The following PIGU variants were observed in gnomAD, a reference collection of about 807,000 sequenced individuals.
PIGU encodes the protein phosphatidylinositol glycan anchor biosynthesis class U, also known as GPI-anchor transamidase component PIGU.
Under a neutral mutation model 49.9 loss-of-function variants are expected in PIGU, and 24 were observed. The ratio of observed to expected loss-of-function variants is 0.48; its 90% CI spans 0.35 to 0.68. The LOEUF (loss-of-function observed/expected upper bound fraction) is 0.68. Among genes scored for constraint, PIGU ranks in the 30% least tolerant of loss-of-function variants. PIGU has a pLI of 0.01. For missense variants in PIGU, 490 were observed against 532.6 expected (o/e 0.92, Z 0.79); for synonymous variants, 220 against 205.7 (o/e 1.07, Z -0.59).
At chr20:34,650,647 T>G (rs1197321689) in intron 2 of PIGU, among the ~76,000 whole-genome samples, 1 of 151,572 alleles carries the variant, frequency 6.6e-6, no homozygotes, top group Admixed American at 6.6e-5. Flanking sequence ...TTATTGTCTA[T>G]TTTTTTCTGT....
chr20:34,605,008 C>T (rs1319913896), intron 7 of PIGU, among the ~76,000 whole-genome samples: 5 of 152,166 alleles, frequency 3.3e-5, no homozygotes, highest in African/African-American at 9.7e-5. Context: ...ATGAGCATCT[C>T]GGTAAGCCTC....
At chr20:34,617,941 T>G (rs1220476894) in intron 6 of PIGU, among the ~76,000 whole-genome samples, 1 of 152,200 alleles carries the variant, frequency 6.6e-6, no homozygotes, top group Non-Finnish European at 1.5e-5. Context: ...ATCAGGGGTT[T>G]CCGCTTTTGC....
intron 7 of PIGU, among the ~76,000 whole-genome samples, chr20:34,591,357 T>C (rs1010011978): frequency 1.1e-4 from 17 of 152,108 alleles, no homozygotes; most frequent in African/African-American, 3.9e-4. Flanking sequence ...AGCAGACAAA[T>C]TAGTAATCAA....
chr20:34,638,342 T>C (rs573936587), intron 4 of PIGU, among the ~76,000 whole-genome samples: 28 of 152,336 alleles, frequency 1.8e-4, no homozygotes, highest in Middle Eastern at 3.4e-3. Context: ...CTGTTATATA[T>C]GTTCTTTCAC....
chr20:34,608,664 G>A (rs1984704768), intron 7 of PIGU, among the ~76,000 whole-genome samples: 1 of 152,080 alleles, frequency 6.6e-6, no homozygotes, highest in Non-Finnish European at 1.5e-5. Flanking sequence ...GAGCAGATGT[G>A]TCAGCTCCTA....
intron 6 of PIGU, among the ~76,000 whole-genome samples, chr20:34,623,507 G>A (rs1342509110): frequency 6.6e-6 from 1 of 152,124 alleles, no homozygotes; most frequent in Non-Finnish European, 1.5e-5. Flanking sequence ...CCATTTTACA[G>A]ATAATGAAAC....
At chr20:34,585,142 G>T (rs1381140533) in intron 9 of PIGU, among the ~76,000 whole-genome samples, 1 of 152,206 alleles carries the variant, frequency 6.6e-6, no homozygotes, top group African/African-American at 2.4e-5. Flanking sequence ...GCCACCGCCT[G>T]GCTCTAGTCC....
intron 2 of PIGU, among the ~76,000 whole-genome samples, chr20:34,652,809 G>C (rs1232424969): frequency 6.6e-6 from 1 of 152,106 alleles, no homozygotes; most frequent in Non-Finnish European, 1.5e-5. Flanking sequence ...ATTGTGGTCA[G>C]AGAATATATT....
At chr20:34,657,481 G>A (rs891805612) in intron 1 of PIGU, among the ~76,000 whole-genome samples, 1 of 152,130 alleles carries the variant, frequency 6.6e-6, no homozygotes, top group Non-Finnish European at 1.5e-5. Context: ...TAAACTATCT[G>A]CTTCCTTTTA....
chr20:34,663,936 C>T (rs1987002365), intron 1 of PIGU, among the ~76,000 whole-genome samples: 1 of 152,172 alleles, frequency 6.6e-6, no homozygotes, highest in Non-Finnish European at 1.5e-5. Context: ...TGAGACACAG[C>T]TTGAGGACAG....
chr20:34,599,709 T>G (rs190635693), intron 7 of PIGU, among the ~76,000 whole-genome samples: 3 of 152,240 alleles, frequency 2.0e-5, no homozygotes. Flanking sequence ...ATTACAGACA[T>G]CATAACTCCA....
At chr20:34,668,867 CTTTTTTTTTTTTTTTTT>C (rs374136983) in intron 1 of PIGU, among the ~76,000 whole-genome samples, 1 of 44,690 alleles carries the variant, frequency 2.2e-5, no homozygotes, top group African/African-American at 8.4e-5. Context: ...AATGGTAAAA[CTTTTTTTTTTTTTTTTT>C]TTTTTTTTTT....
intron 1 of PIGU, among the ~76,000 whole-genome samples, chr20:34,661,845 T>C (rs895108858): frequency 6.6e-6 from 1 of 152,148 alleles, no homozygotes; most frequent in Admixed American, 6.6e-5. Context: ...CGTGTATAAG[T>C]GTTTCCTTTT....
intron 7 of PIGU, among the ~76,000 whole-genome samples, chr20:34,592,005 G>A (rs1984009156): frequency 6.6e-6 from 1 of 152,028 alleles, no homozygotes; most frequent in Non-Finnish European, 1.5e-5. Flanking sequence ...GGCTAACGTG[G>A]TGAAACTCTG....
chr20:34,597,365 T>C (rs755138205), intron 7 of PIGU, among the ~76,000 whole-genome samples: 10 of 152,228 alleles, frequency 6.6e-5, no homozygotes, highest in African/African-American at 9.6e-5. Flanking sequence ...GGAAGCCTTA[T>C]ACAAAATAAT....
chr20:34,608,438 T>C (rs1385588971), intron 7 of PIGU, among the ~76,000 whole-genome samples: 1 of 152,220 alleles, frequency 6.6e-6, no homozygotes, highest in Non-Finnish European at 1.5e-5. Flanking sequence ...TGCTCAGAAA[T>C]TCCCAAATTT....
intron 7 of PIGU, among the ~76,000 whole-genome samples, chr20:34,605,371 C>T (rs1178961340): frequency 6.6e-6 from 1 of 152,184 alleles, no homozygotes; most frequent in Non-Finnish European, 1.5e-5. Flanking sequence ...AGAAATTCCA[C>T]CAGCAGAATG....
chr20:34,651,733 G>A (rs1986546183), intron 2 of PIGU, among the ~76,000 whole-genome samples: 1 of 152,122 alleles, frequency 6.6e-6, no homozygotes, highest in Non-Finnish European at 1.5e-5. Context: ...ACATTGAGAG[G>A]TTATTGACAG....
At chr20:34,596,470 A>G (rs1984203878) in intron 7 of PIGU, among the ~76,000 whole-genome samples, 2 of 152,364 alleles carry the variant, frequency 1.3e-5, no homozygotes, top group South Asian at 4.1e-4. Flanking sequence ...TGATAACTGT[A>G]TATGGTTATA....
Sources: gnomAD v4.1 joint callset for allele counts (sites outside exome capture counted in the v4.1 genomes callset) on GRCh38, gnomAD v4.1.1 for gene constraint, MANE v1.5 for transcripts, NCBI Gene and HGNC (gene_info 2026-07-23, HGNC 2026-07-21) for gene names.